The following PADI3 variants were observed in gnomAD, a reference collection of about 807,000 sequenced individuals.
The protein encoded by PADI3 is peptidyl arginine deiminase 3, also known as protein-arginine deiminase type-3.
PADI3 carries 53 observed loss-of-function variants against 71.5 expected under a neutral mutation model. That is an observed-to-expected ratio of 0.74 (90% CI 0.59 to 0.93). The LOEUF (loss-of-function observed/expected upper bound fraction) is 0.93. Ranked by LOEUF, PADI3 falls within the 40% of genes least tolerant of loss-of-function variation. The probability of loss-of-function intolerance (pLI) is 0.00; values close to 1 mark genes in which losing one functional copy is unlikely to be tolerated. For missense variants in PADI3, 821 were observed against 868.0 expected, an observed-to-expected ratio of 0.95 and a Z score of 0.68; for synonymous variants, 361 against 347.5, an observed-to-expected ratio of 1.04 and a Z score of -0.43.
chr1:17,271,845 AAAAAAAAAAAG>A (rs1001365301), intron 9 of PADI3, among the ~76,000 whole-genome samples: 3 of 146,212 alleles, frequency 2.1e-5, no homozygotes, highest in African/African-American at 2.5e-5. Flanking sequence ...ACAAAAAAAA[AAAAAAAAAAAG>A]AGAGAGAGAG....
At chr1:17,250,823 T>C (rs2977230) in intron 1 of PADI3, among the ~76,000 whole-genome samples, 40,838 of 152,124 alleles carry the variant, frequency 0.27, 5,620 homozygotes, top group South Asian at 0.34. Context: ...GTTTGACCTG[T>C]CCCAGGAAGC....
At position 17,253,743 on chromosome 1, in the gene PADI3, C is replaced by A. The variant is rs568092122; in HGVS notation, c.92+4514C>A. Among the ~76,000 whole-genome samples, 3 of 152,328 alleles carry A rather than the reference C, an allele frequency of 2.0e-5. No individual in the cohort carries two copies. The South Asian group carries it at 6.2e-4, about 32-fold the overall frequency. ...CCGCTGCCCTCACTGGGAAGACAAA[C>A]AACTCATGTCACCCCTTTCTCTGCA... On this transcript the variant is annotated intron_variant, in intron 1 of 15. Transcript: ENST00000375460.
At chr1:17,267,279 A>T (rs1309587034) in intron 5 of PADI3, among the ~76,000 whole-genome samples, 1 of 151,938 alleles carries the variant, frequency 6.6e-6, no homozygotes, top group Admixed American at 6.6e-5. Context: ...TCAACCCCAA[A>T]TCTGGGCCTC....
In PADI3 at chr1:17,273,511, G is replaced by A. The variant is rs112356563; in HGVS notation, c.1155+64G>A. ...GAGGCCTTACCCCAGGGGCCACACC[G>A]GGGTGTGGGGTACAGAGGGCAGCAG... On this transcript the variant is annotated intron_variant, in intron 10 of 15. Transcript: ENST00000375460. 6.6e-4 allele frequency: 697 copies of A among 1,049,476 alleles called. 3 individuals carry two copies. The African/African-American group carries it at 9.2e-3, about 14-fold the overall frequency. 65.0% of individuals were successfully genotyped at this position (1,049,476 alleles called of 1,614,324 possible). A position where few individuals can be genotyped will look rare whatever the true frequency, so the allele number is the denominator to read the frequency against.
rs775107788 is a variant in PADI3, at chr1:17,270,298, C to A, written c.718C>A (p.Pro240Thr). The A allele has an allele frequency of 6.2e-7, 1 of 1,613,972 alleles. No homozygotes were observed. Among genetic ancestry groups the A allele is most frequent in the Non-Finnish European group, 8.5e-7 (1 of 1,179,990 alleles). ...CCAAGATAAGGTGTCCTATGAGGTA[C>A]CCCGCTTGCATGGGGATGAGGAGCG... ...LGQDKVSYEV[P>T]RLHGDEERFF... is the part of the protein sequence containing the mutation. Residue 240 changes from proline (P) to threonine (T), a missense_variant, in exon 7 of 16, where the codon CCC (proline) becomes ACC (threonine). Pro to Thr is a conservative substitution (Grantham distance 38). Transcript: ENST00000375460.
intron 15 of PADI3, among the ~76,000 whole-genome samples, chr1:17,281,508 C>T (rs969729439): frequency 2.0e-5 from 3 of 150,376 alleles, no homozygotes; most frequent in Non-Finnish European, 4.4e-5. Context: ...GGCAGTGGCA[C>T]AATCTCACTC....
chr1:17,276,269 G>A (rs528248641), intron 11 of PADI3, among the ~76,000 whole-genome samples: 10 of 152,214 alleles, frequency 6.6e-5, no homozygotes, highest in East Asian at 1.9e-4. Flanking sequence ...CCTGGGAGGC[G>A]GAAGTTGCAA....
chr1:17,256,425 C>T (rs2073027919), intron 1 of PADI3, among the ~76,000 whole-genome samples: 1 of 152,218 alleles, frequency 6.6e-6, no homozygotes. Context: ...CCTGAGCCCT[C>T]GGCTTGCAGC....
intron 1 of PADI3, among the ~76,000 whole-genome samples, chr1:17,254,747 T>A (rs1214823576): frequency 6.7e-6 from 1 of 149,054 alleles, no homozygotes; most frequent in African/African-American, 2.5e-5. Context: ...GATGGAGTTT[T>A]GCTCTTGTTG....
intron 13 of PADI3, among the ~76,000 whole-genome samples, chr1:17,277,356 G>A (rs143348844): frequency 0.012 from 1,795 of 152,180 alleles, 38 homozygotes; most frequent in African/African-American, 0.041. Flanking sequence ...CACCACGCCC[G>A]GCTAATTTTG....
At chr1:17,260,983 C>T (rs1161383562) in intron 2 of PADI3, among the ~76,000 whole-genome samples, 1 of 152,204 alleles carries the variant, frequency 6.6e-6, no homozygotes, top group Non-Finnish European at 1.5e-5. Context: ...ACCCCTGCTC[C>T]CTATCCTGCC....
At position 17,265,690 on chromosome 1, in the gene PADI3, G is replaced by C. The variant is rs12032160; in HGVS notation, c.378G>C (p.Glu126Asp). ...DISLDCDLNC[E>D]GRQDRNFVDK... ...CTCTGGATTGCGACCTGAACTGTGA[G>C]GGAAGGCAGGACAGGAACTTTGTAG... The change falls in exon 4 of 16, where the codon GAG becomes GAC. Residue 126 changes from glutamate (E) to aspartate (D), a missense_variant. Physicochemically the swap from Glu to Asp is conservative, Grantham distance 45 (BLOSUM62 2). Transcript: ENST00000375460. 3 of 1,614,074 alleles carry C rather than the reference G, an allele frequency of 1.9e-6. No individual in the cohort carries two copies. Among genetic ancestry groups the C allele is most frequent in the African/African-American group, 2.7e-5 (2 of 74,926 alleles).
intron 6 of PADI3, among the ~76,000 whole-genome samples, chr1:17,269,172 G>A (rs1381874584): frequency 1.9e-4 from 29 of 152,050 alleles, no homozygotes; most frequent in Admixed American, 1.9e-3. Context: ...GGCGTGAGAC[G>A]CCGCACCTGG....
intron 2 of PADI3, 69 bp downstream of exon 2, chr1:17,259,827 A>C: frequency 1.5e-6 from 2 of 1,373,300 alleles, no homozygotes; most frequent in African/African-American, 1.4e-5. Flanking sequence ...AGGAGGGCCC[A>C]ACATTCTCTT....
In PADI3 at chr1:17,259,599, A is replaced by C. The variant is rs1468235501; in HGVS notation, c.114A>C (p.Glu38Asp). ...CCAGGTCAGTGCCTGAGGGCACAGA[A>C]ATGTTTGAGGTCTATGGGACGCCTG... Reference protein sequence around the residue: ...DIYGSVPEGTEMFEVYGTPGV... With the variant: ...DIYGSVPEGTDMFEVYGTPGV... The change falls in exon 2 of 16, where the codon GAA (glutamate) becomes GAC (aspartate). Residue 38 changes from glutamate to aspartate, a missense_variant. Coordinates refer to ENST00000375460, the MANE Select transcript of PADI3 (RefSeq NM_016233.2). The C allele has an allele frequency of 1.3e-5, 21 of 1,610,298 alleles. No individual in the cohort carries two copies. Among genetic ancestry groups the C allele is most frequent in the Non-Finnish European group, 1.5e-5 (18 of 1,177,796 alleles).
rs1029857195 is a variant in PADI3 at position 17,280,599 on chromosome 1, C to T, written c.1636-72C>T. ...TTTGACCCAGAAGAAGTGAGGGGAGCGACAGGATGCCTTGGTGCCCCCAAA... is the reference window on the plus strand; with the variant it reads ...TTTGACCCAGAAGAAGTGAGGGGAGTGACAGGATGCCTTGGTGCCCCCAAA... On this transcript the variant is annotated intron_variant, in intron 14 of 15. Coordinates refer to ENST00000375460, the MANE Select transcript of PADI3 (RefSeq NM_016233.2). The T allele has an allele frequency of 5.0e-5, 80 of 1,600,752 alleles. 1 individual carries two copies. The South Asian group carries it at 5.1e-4, about 10-fold the overall frequency.
intron 4 of PADI3, 113 bp from the exon 5 acceptor site, chr1:17,266,606 C>T (rs533511921): frequency 9.9e-6 from 8 of 808,662 alleles, no homozygotes; most frequent in East Asian, 4.9e-5. Context: ...GCTTCGAGAA[C>T]GTGGACCTAG....
At chr1:17,282,716 C>T in intron 15 of PADI3, 130 bp from the exon 16 acceptor site, 1 of 697,684 alleles carries the variant, frequency 1.4e-6, no homozygotes, top group Non-Finnish European at 2.4e-6. Flanking sequence ...CAGTTACCTT[C>T]TCATTGCACA....
intron 6 of PADI3, among the ~76,000 whole-genome samples, chr1:17,269,093 C>A (rs1251983716): frequency 6.6e-6 from 1 of 152,012 alleles, no homozygotes; most frequent in East Asian, 1.9e-4. Context: ...CCATGCTGCC[C>A]AGGCTGGTCG....
Sources: gnomAD v4.1 joint callset for allele counts (sites outside exome capture counted in the v4.1 genomes callset) on GRCh38, gnomAD v4.1.1 for gene constraint, MANE v1.5 for transcripts, NCBI Gene and HGNC (gene_info 2026-07-23, HGNC 2026-07-21) for gene names.